The following HIBADH variants were observed in gnomAD, a reference collection of about 807,000 sequenced individuals.
HIBADH encodes the protein 3-hydroxyisobutyrate dehydrogenase, mitochondrial.
In HIBADH, 25 loss-of-function variants were observed where a neutral mutation model predicts 36.1. The observed-to-expected ratio is 0.69, with a 90% confidence interval of 0.50 to 0.97. The LOEUF is 0.97. HIBADH is among the 50% of genes least tolerant of loss of function. The probability of loss-of-function intolerance (pLI) is 0.00; values close to 1 mark genes in which losing one functional copy is unlikely to be tolerated. For missense variants in HIBADH, 421 were observed against 418.0 expected (o/e 1.01, Z -0.06); for synonymous variants, 160 against 149.5 (o/e 1.07, Z -0.51).
chr7:27,627,986 T>C (rs1785678920), intron 4 of HIBADH, among the ~76,000 whole-genome samples: 1 of 152,168 alleles, frequency 6.6e-6, no homozygotes, highest in African/African-American at 2.4e-5. Context: ...GTTGTACTCT[T>C]GAGACCAAAG....
intron 4 of HIBADH, among the ~76,000 whole-genome samples, chr7:27,591,534 G>A (rs990206551): frequency 3.5e-5 from 5 of 142,668 alleles, no homozygotes; most frequent in African/African-American, 1.1e-4. Flanking sequence ...CTGGGCGACA[G>A]AGCGAGACTC....
At chr7:27,574,641 C>T (rs900304164) in intron 4 of HIBADH, among the ~76,000 whole-genome samples, 2 of 151,954 alleles carry the variant, frequency 1.3e-5, no homozygotes, top group African/African-American at 4.8e-5. Flanking sequence ...TGCACACCTC[C>T]CCCTCTAATA....
chr7:27,630,191 A>C (rs1336312627), intron 3 of HIBADH, among the ~76,000 whole-genome samples: 1 of 152,174 alleles, frequency 6.6e-6, no homozygotes, highest in Non-Finnish European at 1.5e-5. Context: ...AATTTATTTA[A>C]AGGGTATGGC....
intron 4 of HIBADH, among the ~76,000 whole-genome samples, chr7:27,585,841 AT>A (rs536977555): frequency 6.6e-6 from 1 of 151,776 alleles, no homozygotes; most frequent in African/African-American, 2.4e-5. Context: ...TAGGTACATG[AT>A]TTTTTTTTAA....
chr7:27,622,415 G>T (rs185940746), intron 4 of HIBADH, among the ~76,000 whole-genome samples: 44 of 152,062 alleles, frequency 2.9e-4, no homozygotes, highest in African/African-American at 1.0e-3. Flanking sequence ...AAAATGAACA[G>T]GAGAAAATAA....
At chr7:27,592,654 T>C (rs1447995841) in intron 4 of HIBADH, among the ~76,000 whole-genome samples, 1 of 152,166 alleles carries the variant, frequency 6.6e-6, no homozygotes, top group Non-Finnish European at 1.5e-5. Flanking sequence ...TCTATATCTA[T>C]ATCTCTAGCT....
intron 6 of HIBADH, 85 bp from the exon 7 acceptor site, chr7:27,531,433 TTCTC>T: frequency 3.4e-6 from 4 of 1,184,658 alleles, no homozygotes; most frequent in Admixed American, 5.3e-5. Flanking sequence ...ATGCTCCATC[TTCTC>T]TCTCCATTTA....
At chr7:27,542,817 AAAACT>A (rs534298875) in intron 5 of HIBADH, 145 bp downstream of exon 5, 1 of 947,996 alleles carries the variant, frequency 1.1e-6, no homozygotes, top group Non-Finnish European at 1.5e-6. Context: ...GGAATGATGC[AAAACT>A]AATTTATTCC....
intron 4 of HIBADH, among the ~76,000 whole-genome samples, chr7:27,615,359 C>G (rs1441548149): frequency 6.6e-6 from 1 of 152,120 alleles, no homozygotes; most frequent in East Asian, 1.9e-4. Context: ...GTCACTTATC[C>G]TCTTTGAACC....
At chr7:27,593,746 G>C (rs551010288) in intron 4 of HIBADH, among the ~76,000 whole-genome samples, 108 of 152,138 alleles carry the variant, frequency 7.1e-4, no homozygotes, top group Admixed American at 1.6e-3. Flanking sequence ...GGCACAAAAT[G>C]ATCATTTTTA....
At chr7:27,624,069 A>T (rs548811470) in intron 4 of HIBADH, among the ~76,000 whole-genome samples, 1 of 152,356 alleles carries the variant, frequency 6.6e-6, no homozygotes, top group African/African-American at 2.4e-5. Context: ...AAGTGCTGGG[A>T]TTACAAGCAT....
chr7:27,545,485 T>C (rs1240007062), intron 4 of HIBADH, among the ~76,000 whole-genome samples: 2 of 152,064 alleles, frequency 1.3e-5, no homozygotes, highest in Non-Finnish European at 2.9e-5. Flanking sequence ...AATGTAACCA[T>C]TTTGAACTTA....
At chr7:27,653,069 C>T (rs1328560159) in intron 1 of HIBADH, among the ~76,000 whole-genome samples, 1 of 152,014 alleles carries the variant, frequency 6.6e-6, no homozygotes, top group Admixed American at 6.5e-5. Flanking sequence ...GTGGAGGATG[C>T]AGCGAGCCAA....
chr7:27,656,191 T>A (rs1786300902), intron 1 of HIBADH, among the ~76,000 whole-genome samples: 1 of 152,170 alleles, frequency 6.6e-6, no homozygotes. Flanking sequence ...CAAATGGGTA[T>A]GGCTGTGTTC....
chr7:27,571,476 C>G (rs910706098), intron 4 of HIBADH, among the ~76,000 whole-genome samples: 1 of 152,194 alleles, frequency 6.6e-6, no homozygotes, highest in African/African-American at 2.4e-5. Context: ...CCACTTGCCT[C>G]AGCCACCCAA....
chr7:27,658,261 G>A (rs977284889), intron 1 of HIBADH, among the ~76,000 whole-genome samples: 1 of 152,136 alleles, frequency 6.6e-6, no homozygotes, highest in Non-Finnish European at 1.5e-5. Context: ...TGACAGTAGT[G>A]CGTGGAAAAA....
chr7:27,622,849 A>G (rs1360777132), intron 4 of HIBADH, among the ~76,000 whole-genome samples: 2 of 152,212 alleles, frequency 1.3e-5, no homozygotes. Context: ...CCAAACTAAT[A>G]CTAATCTTTT....
intron 4 of HIBADH, among the ~76,000 whole-genome samples, chr7:27,586,836 T>G (rs1309412941): frequency 6.6e-6 from 1 of 152,182 alleles, no homozygotes; most frequent in Non-Finnish European, 1.5e-5. Flanking sequence ...TGCCAGTCCC[T>G]GCAGGTACAG....
At chr7:27,557,943 G>A (rs1784416862) in intron 4 of HIBADH, among the ~76,000 whole-genome samples, 1 of 152,152 alleles carries the variant, frequency 6.6e-6, no homozygotes, top group South Asian at 2.1e-4. Flanking sequence ...ATGGCTGTCT[G>A]AATATCTCTG....
Sources: gnomAD v4.1 joint callset for allele counts (sites outside exome capture counted in the v4.1 genomes callset) on GRCh38, gnomAD v4.1.1 for gene constraint, MANE v1.5 for transcripts, NCBI Gene and HGNC (gene_info 2026-07-23, HGNC 2026-07-21) for gene names.